The following SENP7 variants were observed in gnomAD, a reference collection of about 807,000 sequenced individuals.
SENP7 encodes the protein sentrin-specific protease 7.
A neutral mutation model predicts 141.2 loss-of-function variants in SENP7; 64 were observed. That is an observed-to-expected ratio of 0.45 (90% confidence interval 0.37 to 0.56). The LOEUF (loss-of-function observed/expected upper bound fraction) is 0.56, where lower values mean the gene tolerates loss of function less well. SENP7 is among the 20% of genes least tolerant of loss of function. The pLI is 0.00. For synonymous variants in SENP7, 382 were observed against 426.4 expected, an observed-to-expected ratio of 0.90 and a Z score of 1.28; for missense variants, 1,025 against 1,212.2, an observed-to-expected ratio of 0.85 and a Z score of 2.29.
At chr3:101,510,923 A>G (rs1037860110) in intron 1 of SENP7, among the ~76,000 whole-genome samples, 1 of 151,684 alleles carries the variant, frequency 6.6e-6, no homozygotes, top group African/African-American at 2.4e-5. Flanking sequence ...CTGCATGCCT[A>G]CAACCACTAC....
Position 101,324,803 on chromosome 3 carries a change from A to G in SENP7, c.*1140T>C, listed in dbSNP as rs1248386002. The G allele has an allele frequency of 6.6e-6, 1 of 152,052 alleles. No homozygotes were observed. 9.4% of individuals were successfully genotyped at this position (152,052 alleles called of 1,614,324 possible). A position where few individuals can be genotyped will look rare whatever the true frequency, so the allele number is the denominator to read the frequency against. On this transcript the variant is annotated 3_prime_UTR_variant, in exon 24 of 24. Transcript: ENST00000394095. ...TTTCTTATCTGAGAAAATACAATATAATCATATCTCCCTCAAAATACTCCT... is the reference window on the plus strand; with the variant it reads ...TTTCTTATCTGAGAAAATACAATATGATCATATCTCCCTCAAAATACTCCT...
At chr3:101,362,026 A>T (rs1447103672) in intron 10 of SENP7, among the ~76,000 whole-genome samples, 165 bp from the exon 11 acceptor site, 1 of 152,058 alleles carries the variant, frequency 6.6e-6, no homozygotes, top group Non-Finnish European at 1.5e-5. Flanking sequence ...TTTTTTTCTG[A>T]AAAAATATAT....
At chr3:101,375,542 CCAAAAAA>C (rs1367311983) in intron 6 of SENP7, among the ~76,000 whole-genome samples, 5 of 25,510 alleles carry the variant, frequency 2.0e-4, no homozygotes, top group African/African-American at 5.6e-4. Context: ...AATTCCATCT[CCAAAAAA>C]AAAAAAAAAA....
chr3:101,408,989 C>G (rs1046364984), intron 5 of SENP7, among the ~76,000 whole-genome samples: 3 of 152,104 alleles, frequency 2.0e-5, no homozygotes, highest in Admixed American at 6.6e-5. Flanking sequence ...GGATGTCAAG[C>G]TGTCCCTATT....
At chr3:101,463,718 C>G (rs1241501459) in intron 3 of SENP7, among the ~76,000 whole-genome samples, 4 of 151,828 alleles carry the variant, frequency 2.6e-5, no homozygotes, top group Admixed American at 2.6e-4. Flanking sequence ...TAGGAAATCT[C>G]AACAACTCAC....
intron 4 of SENP7, among the ~76,000 whole-genome samples, chr3:101,418,406 T>G (rs2061687546): frequency 6.6e-6 from 1 of 151,966 alleles, no homozygotes; most frequent in African/African-American, 2.4e-5. Context: ...ATTCAATACA[T>G]CTTTATGCTG....
intron 5 of SENP7, among the ~76,000 whole-genome samples, chr3:101,410,568 C>T (rs1458336835): frequency 2.0e-5 from 3 of 152,126 alleles, no homozygotes; most frequent in Admixed American, 6.5e-5. Flanking sequence ...TGGTATAGGC[C>T]GGGCACAGTG....
chr3:101,364,460 T>C, intron 10 of SENP7, among the ~76,000 whole-genome samples: 1 of 152,180 alleles, frequency 6.6e-6, no homozygotes, highest in East Asian at 1.9e-4. Context: ...GCCTTCATAG[T>C]ATGTGAGGAA....
chr3:101,341,817 A>T, intron 14 of SENP7, 38 bp from the exon 15 acceptor site: 5 of 1,531,460 alleles, frequency 3.3e-6, no homozygotes, highest in Non-Finnish European at 4.4e-6. Context: ...CTCAAACATC[A>T]TAACTTTCAA....
At chr3:101,417,826 T>C in intron 4 of SENP7, 36 bp from the exon 5 acceptor site, 1 of 1,472,064 alleles carries the variant, frequency 6.8e-7, no homozygotes, top group Admixed American at 1.7e-5. Context: ...TATATGGTAC[T>C]ACACATTGTA....
chr3:101,420,552 T>C (rs1461587894), intron 4 of SENP7, among the ~76,000 whole-genome samples: 1 of 152,198 alleles, frequency 6.6e-6, no homozygotes, highest in South Asian at 2.1e-4. Flanking sequence ...AAACAGATAA[T>C]TGAGTTCACA....
chr3:101,429,620 T>C (rs1487823451), intron 4 of SENP7, among the ~76,000 whole-genome samples: 1 of 152,202 alleles, frequency 6.6e-6, no homozygotes, highest in Non-Finnish European at 1.5e-5. Flanking sequence ...AAATATACAA[T>C]CATGCCATCT....
chr3:101,444,715 GGGAACA>G (rs2062819188), intron 4 of SENP7, among the ~76,000 whole-genome samples: 1 of 144,094 alleles, frequency 6.9e-6, no homozygotes, highest in Non-Finnish European at 1.5e-5. Context: ...ACACAGGAAG[GGGAACA>G]TCACACTCTG....
At chr3:101,345,267 G>A (rs960270338) in intron 13 of SENP7, among the ~76,000 whole-genome samples, 2 of 152,076 alleles carry the variant, frequency 1.3e-5, no homozygotes, top group Admixed American at 1.3e-4. Flanking sequence ...GTATTTTGAT[G>A]GGAATTGCAT....
At position 101,382,864 on chromosome 3, in the gene SENP7, A is replaced by G. The variant is rs1214757775; in HGVS notation, c.678-10738T>C. Among the ~76,000 whole-genome samples the G allele has an allele frequency of 3.3e-5, 5 of 152,248 alleles. No individual in the cohort carries two copies. The East Asian group carries it at 7.7e-4, about 23-fold the overall frequency. On this transcript the variant is annotated intron_variant, in intron 6 of 23. Coordinates refer to ENST00000394095, the MANE Select transcript of SENP7 (RefSeq NM_020654.5). Reference sequence around the variant, plus strand: ...GCAAAATAAACTAAAAGTCTTCTATATCAAAGATACTATAAAGAAAGTGTA... The same window carrying G: ...GCAAAATAAACTAAAAGTCTTCTATGTCAAAGATACTATAAAGAAAGTGTA...
At chr3:101,377,807 A>G (rs1287761444) in intron 6 of SENP7, among the ~76,000 whole-genome samples, 1 of 152,218 alleles carries the variant, frequency 6.6e-6, no homozygotes, top group East Asian at 1.9e-4. Context: ...GGGAGAAGGG[A>G]AATATCTAAC....
chr3:101,444,906 G>A (rs10936624), intron 4 of SENP7, among the ~76,000 whole-genome samples: 59,812 of 150,578 alleles, frequency 0.4, 12,358 homozygotes, highest in Admixed American at 0.53. Context: ...AATAATAAAT[G>A]AATAAATAAA....
chr3:101,438,566 A>C, intron 4 of SENP7, among the ~76,000 whole-genome samples: 1 of 152,196 alleles, frequency 6.6e-6, no homozygotes, highest in African/African-American at 2.4e-5. Context: ...AAGATGATAA[A>C]ATTTATGTTA....
chr3:101,510,768 G>A (rs2065819902), intron 1 of SENP7, among the ~76,000 whole-genome samples: 2 of 143,592 alleles, frequency 1.4e-5, no homozygotes, highest in African/African-American at 2.6e-5. Context: ...CAGAAGAATC[G>A]CTTGAACCTG....
Sources: allele counts gnomAD v4.1 joint callset (sites outside exome capture counted in the v4.1 genomes callset), GRCh38; gene constraint gnomAD v4.1.1; transcripts MANE v1.5; gene names NCBI Gene and HGNC (gene_info 2026-07-23, HGNC 2026-07-21).